DYM: variants seen among roughly 807,000 people sequenced by gnomAD.
DYM encodes dymeclin, also known as dyggve-Melchior-Clausen syndrome protein.
In DYM, 78 loss-of-function variants were observed where a neutral mutation model predicts 93.1. The observed-to-expected ratio is 0.84, with a 90% CI of 0.70 to 1.01. The LOEUF is 1.01. Ranked by LOEUF, DYM falls within the 50% of genes least tolerant of loss-of-function variation. The pLI, the probability that DYM is intolerant of heterozygous loss-of-function variation, is 0.00. For missense variants in DYM, 789 were observed against 845.0 expected, an observed-to-expected ratio of 0.93 and a Z score of 0.82; for synonymous variants, 321 against 319.7, an observed-to-expected ratio of 1.00 and a Z score of -0.04.
At chr18:49,232,258 C>G (rs16950458) in intron 13 of DYM, among the ~76,000 whole-genome samples, 1 of 151,842 alleles carries the variant, frequency 6.6e-6, no homozygotes, top group Admixed American at 6.6e-5. Flanking sequence ...GCTGGCCATA[C>G]GGAAATTCTA....
chr18:49,446,597 A>G (rs2082109415), intron 1 of DYM, among the ~76,000 whole-genome samples: 1 of 152,224 alleles, frequency 6.6e-6, no homozygotes, highest in Admixed American at 6.5e-5. Context: ...ATCAACAGTC[A>G]ATAAATATTT....
intron 7 of DYM, among the ~76,000 whole-genome samples, chr18:49,332,505 T>C (rs542039907): frequency 4.6e-5 from 7 of 152,278 alleles, no homozygotes; most frequent in African/African-American, 1.4e-4. Context: ...TGAAGGGAAG[T>C]AGTAATAAAG....
chr18:49,321,056 AAC>A (rs2146588884), intron 8 of DYM: 1 of 237,346 alleles, frequency 4.2e-6, no homozygotes, highest in East Asian at 7.9e-5. Context: ...GATATAATTT[AAC>A]AGTTTCAAAG....
chr18:49,275,617 C>T (rs753401544), intron 10 of DYM, among the ~76,000 whole-genome samples: 9 of 152,114 alleles, frequency 5.9e-5, no homozygotes, highest in Non-Finnish European at 1.3e-4. Flanking sequence ...TGGCTCATGC[C>T]TGTAATCCCA....
In DYM at chr18:49,317,669, C is replaced by CTTCG. The variant is rs2062106051; in HGVS notation, c.763+14194_763+14195insCGAA. 2.5e-5 allele frequency among the ~76,000 whole-genome samples: 3 copies of CTTCG among 120,054 alleles called. No homozygotes were observed. In the South Asian group the frequency reaches 9.7e-4, roughly 39 times the overall value. The allele number at this position is 120,054 out of a possible 152,430, so 78.8% of individuals were successfully genotyped here. A position where few individuals can be genotyped will look rare whatever the true frequency, so the allele number is the denominator to read the frequency against. On this transcript the variant is annotated intron_variant, in intron 8 of 17. Transcript: ENST00000675505. ...CTCTCCTTCCTTCCTTCCTTCCTTC[C>CTTCG]TTCCTTCCTTCCTTCCTTCCTTTCT...
intron 15 of DYM, among the ~76,000 whole-genome samples, chr18:49,145,108 CATATATATATATAT>C (rs56212722): frequency 5.3e-5 from 1 of 18,762 alleles, no homozygotes; most frequent in African/African-American, 1.2e-4. Flanking sequence ...CAAAAAAATT[CATATATATATATAT>C]ATATATATAT....
At position 49,044,203 on chromosome 18, in the gene DYM, T is replaced by C; in HGVS notation, c.2027A>G (p.Lys676Arg). 1 of 1,614,116 alleles carries C rather than the reference T, an allele frequency of 6.2e-7. No homozygotes were observed. The highest frequency in any genetic ancestry group is 8.5e-7 in the Non-Finnish European group (1 of 1,180,020). The change falls in exon 18 of 18, where the codon AAA (lysine) becomes AGA (arginine). Residue 676 changes from lysine to arginine, a missense_variant and splice_region_variant. Physicochemically the swap from Lys to Arg is conservative, Grantham distance 26. This residue lies in a region of DYM where 114 missense variants were observed against 105.8 expected (regional missense o/e 1.08). Coordinates refer to ENST00000675505, the MANE Select transcript of DYM (RefSeq NM_001353214.3). ...VVALPKDRLK[K>R]FPELKFKYVE... Reference sequence around the variant, plus strand: ...ATATTTGAATTTCAATTCTGGAAATTTCTGCAATGAAAATAAGATGATTTT... The same window carrying C: ...ATATTTGAATTTCAATTCTGGAAATCTCTGCAATGAAAATAAGATGATTTT...
chr18:49,288,576 C>T (rs948114985), intron 8 of DYM, among the ~76,000 whole-genome samples: 3 of 151,940 alleles, frequency 2.0e-5, no homozygotes, highest in Non-Finnish European at 4.4e-5. Flanking sequence ...GTCAGGAGTT[C>T]GAGACCAGCC....
intron 2 of DYM, among the ~76,000 whole-genome samples, chr18:49,393,207 T>C (rs1356898600): frequency 6.6e-6 from 1 of 151,756 alleles, no homozygotes; most frequent in Non-Finnish European, 1.5e-5. Flanking sequence ...GCAGAGAAAT[T>C]AGGACCCTTG....
intron 13 of DYM, among the ~76,000 whole-genome samples, chr18:49,214,553 CA>C (rs955346195): frequency 7.1e-6 from 1 of 140,478 alleles, no homozygotes; most frequent in African/African-American, 2.7e-5. Flanking sequence ...GATTCAGAAT[CA>C]ATGAGTAAAA....
intron 8 of DYM, among the ~76,000 whole-genome samples, chr18:49,313,655 C>T (rs947406803): frequency 9.2e-5 from 14 of 152,072 alleles, no homozygotes; most frequent in African/African-American, 2.9e-4. Flanking sequence ...TCTACGGAGT[C>T]GCCATTCTTT....
chr18:49,272,425 A>G (rs765910150), intron 10 of DYM, 122 bp from the exon 11 acceptor site: 1 of 735,394 alleles, frequency 1.4e-6, no homozygotes, highest in Non-Finnish European at 2.2e-6. Flanking sequence ...TCATTAGAGA[A>G]AAAACCATAT....
At chr18:49,109,024 T>C (rs1199197788) in intron 16 of DYM, among the ~76,000 whole-genome samples, 2 of 146,402 alleles carry the variant, frequency 1.4e-5, no homozygotes, top group Non-Finnish European at 3.0e-5. Context: ...ATAGTCATCC[T>C]ACCCCTTTTT....
Position 49,284,796 on chromosome 18 carries a change from C to T in DYM, c.946+1638G>A, listed in dbSNP as rs138184259. ...AAATACTAACAGATACACCAGTTTT[C>T]GTTTTTTAATTTGTAAAATTGTTAT... On this transcript the variant is annotated intron_variant, in intron 9 of 17. Coordinates refer to ENST00000675505, the MANE Select transcript of DYM (RefSeq NM_001353214.3). Among the ~76,000 whole-genome samples the T allele has an allele frequency of 2.7e-4, 41 of 152,162 alleles. No homozygotes were observed. The South Asian group carries it at 7.9e-3, about 29-fold the overall frequency.
intron 13 of DYM, among the ~76,000 whole-genome samples, chr18:49,216,431 G>C (rs534538144): frequency 1.3e-5 from 2 of 152,200 alleles, no homozygotes; most frequent in South Asian, 2.1e-4. Context: ...GGAGATCTGA[G>C]AATGGGCAGA....
At chr18:49,258,517 A>C (rs1171950055) in intron 11 of DYM, 24 bp from the exon 12 acceptor site, 2 of 1,397,452 alleles carry the variant, frequency 1.4e-6, no homozygotes, top group Non-Finnish European at 2.0e-6. Context: ...GAAAAGTTTA[A>C]GTAAAAAATG....
At chr18:49,129,031 C>T (rs971182829) in intron 15 of DYM, among the ~76,000 whole-genome samples, 1 of 151,862 alleles carries the variant, frequency 6.6e-6, no homozygotes, top group Non-Finnish European at 1.5e-5. Context: ...CGCTTGATGC[C>T]CTTTTTTCAT....
intron 14 of DYM, among the ~76,000 whole-genome samples, chr18:49,175,810 C>G (rs1355789438): frequency 6.6e-6 from 1 of 152,116 alleles, no homozygotes; most frequent in Non-Finnish European, 1.5e-5. Context: ...AATAACTCAT[C>G]TTCTTCAAAA....
At chr18:49,454,109 G>A (rs1320217647) in intron 1 of DYM, among the ~76,000 whole-genome samples, 1 of 152,094 alleles carries the variant, frequency 6.6e-6, no homozygotes, top group African/African-American at 2.4e-5. Flanking sequence ...TTGACCCCAG[G>A]AGGAGCCCTA....
Sources: allele counts gnomAD v4.1 joint callset (sites outside exome capture counted in the v4.1 genomes callset), GRCh38; gene constraint gnomAD v4.1.1; regional missense constraint gnomAD v4.1.1; transcripts MANE v1.5; gene names NCBI Gene and HGNC (gene_info 2026-07-23, HGNC 2026-07-21).